Variants in PAK5 observed in about 807,000 individuals in gnomAD.
PAK5 encodes serine/threonine-protein kinase PAK 5.
PAK5 carries 16 observed loss-of-function variants against 65.9 expected under a neutral mutation model. That is an observed-to-expected ratio of 0.24 (90% CI 0.16 to 0.37). The LOEUF is 0.37. Ranked by LOEUF, PAK5 falls within the 10% of genes least tolerant of loss-of-function variation. The probability of loss-of-function intolerance (pLI) is 1.00; values close to 1 mark genes in which losing one functional copy is unlikely to be tolerated. For missense variants in PAK5, 785 were observed against 903.9 expected (o/e 0.87, Z 1.69); for synonymous variants, 371 against 354.9 (o/e 1.05, Z -0.51).
chr20:9,688,828 T>C (rs895944609), intron 2 of PAK5, among the ~76,000 whole-genome samples: 1 of 152,222 alleles, frequency 6.6e-6, no homozygotes, highest in Non-Finnish European at 1.5e-5. Context: ...CAAAAACGTG[T>C]GCTATATAAA....
chr20:9,562,734 G>A (rs2045610217), intron 6 of PAK5, among the ~76,000 whole-genome samples, 157 bp downstream of exon 6: 1 of 152,156 alleles, frequency 6.6e-6, no homozygotes, highest in Non-Finnish European at 1.5e-5. Context: ...ACATGCCTGA[G>A]AGCATAATGG....
chr20:9,559,035 C>T (rs2045555113), intron 6 of PAK5, among the ~76,000 whole-genome samples: 1 of 152,148 alleles, frequency 6.6e-6, no homozygotes, highest in Non-Finnish European at 1.5e-5. Flanking sequence ...CTGCCCTCAC[C>T]ACTTGAATGA....
intron 2 of PAK5, among the ~76,000 whole-genome samples, chr20:9,665,652 C>T (rs2047406429): frequency 7.1e-6 from 1 of 141,738 alleles, no homozygotes; most frequent in Non-Finnish European, 1.6e-5. Context: ...CTCAATATTT[C>T]TTTTCTTTTC....
At chr20:9,713,130 T>C (rs2048097955) in intron 1 of PAK5, among the ~76,000 whole-genome samples, 1 of 151,944 alleles carries the variant, frequency 6.6e-6, no homozygotes, top group Non-Finnish European at 1.5e-5. Flanking sequence ...TGACAAGAGG[T>C]TAATAACCAG....
At chr20:9,660,978 CCTA>C (rs2047338145) in intron 2 of PAK5, among the ~76,000 whole-genome samples, 1 of 152,124 alleles carries the variant, frequency 6.6e-6, no homozygotes, top group South Asian at 2.1e-4. Flanking sequence ...CCACCACAAA[CCTA>C]CTGACTCAGT....
At chr20:9,628,233 T>C (rs1286252604) in intron 3 of PAK5, among the ~76,000 whole-genome samples, 1 of 152,206 alleles carries the variant, frequency 6.6e-6, no homozygotes, top group Non-Finnish European at 1.5e-5. Flanking sequence ...TATCCACTTC[T>C]AACAGATGAG....
intron 1 of PAK5, among the ~76,000 whole-genome samples, chr20:9,750,364 T>G (rs1331721141): frequency 6.6e-6 from 1 of 152,160 alleles, no homozygotes; most frequent in African/African-American, 2.4e-5. Context: ...AAAATTATAG[T>G]AATGATTTTT....
At chr20:9,545,249 T>A (rs6140958) in intron 7 of PAK5, among the ~76,000 whole-genome samples, 8,248 of 152,200 alleles carry the variant, frequency 0.054, 344 homozygotes, top group East Asian at 0.23. Flanking sequence ...GAAATTTCTT[T>A]CCTAGAGCTC....
At chr20:9,557,116 C>T (rs529891351) in intron 7 of PAK5, among the ~76,000 whole-genome samples, 44 of 152,282 alleles carry the variant, frequency 2.9e-4, no homozygotes, top group African/African-American at 9.4e-4. Flanking sequence ...TAAAGTACTG[C>T]ACTAATCCTC....
intron 1 of PAK5, among the ~76,000 whole-genome samples, chr20:9,827,167 AAATGGATG>A (rs1478882924): frequency 6.6e-6 from 1 of 152,236 alleles, no homozygotes; most frequent in Non-Finnish European, 1.5e-5. Context: ...TTTTTAAAGA[AAATGGATG>A]AGATAACTTT....
chr20:9,696,599 TG>T (rs1206946720), intron 2 of PAK5, among the ~76,000 whole-genome samples: 1 of 152,086 alleles, frequency 6.6e-6, no homozygotes, highest in Non-Finnish European at 1.5e-5. Context: ...TTCTTTTTTC[TG>T]TTTCCTGATG....
At chr20:9,608,263 G>A (rs1336981185) in intron 3 of PAK5, among the ~76,000 whole-genome samples, 25 of 152,326 alleles carry the variant, frequency 1.6e-4, no homozygotes, top group Admixed American at 5.9e-4. Flanking sequence ...ACACACTATG[G>A]TATTTGGAAT....
rs1040976313 is a variant in PAK5, at chr20:9,838,870, T to A, written c.-270A>T. 7.3e-5 allele frequency: 11 copies of A among 151,424 alleles called. No homozygotes were observed. Among genetic ancestry groups the A allele is most frequent in the African/African-American group, 2.7e-4 (11 of 41,268 alleles). The allele number at this position is 151,424 out of a possible 1,614,324, so 9.4% of individuals were successfully genotyped here. On this transcript the variant is annotated 5_prime_UTR_variant, in exon 1 of 10. Transcript: ENST00000353224. This position sits in a 1 kb window ranked among gnomAD's most constrained non-coding sequence, Gnocchi z 4.5. ...CCCCGGGCGCACGCTGGGGAACTAC[T>A]ACTGGCTGGGTAGGGGCAAGGGGGG...
At chr20:9,773,883 T>A (rs142707694) in intron 1 of PAK5, among the ~76,000 whole-genome samples, 139 of 152,360 alleles carry the variant, frequency 9.1e-4, no homozygotes, top group African/African-American at 3.1e-3. Context: ...CGATGTGTGC[T>A]CAGGCAGTCT....
intron 1 of PAK5, among the ~76,000 whole-genome samples, chr20:9,828,942 T>C (rs1453513113): frequency 1.3e-5 from 2 of 152,192 alleles, no homozygotes; most frequent in Non-Finnish European, 2.9e-5. Flanking sequence ...AAAGTCTTCT[T>C]GGTTCAGTTG....
Position 9,786,709 on chromosome 20 carries a change from C to A in PAK5, c.-162+52053G>T, listed in dbSNP as rs535056889. ...TATAATTGATATGTGGATAAGAGGA[C>A]ATGGTAATCTGTTTTATGGATAAGT... On this transcript the variant is annotated intron_variant, in intron 1 of 9. Coordinates refer to ENST00000353224, the MANE Select transcript of PAK5 (RefSeq NM_177990.4). 9.0e-4 allele frequency among the ~76,000 whole-genome samples: 137 copies of A among 152,166 alleles called. 1 individual carries two copies. The Middle Eastern group carries it at 0.02, about 23-fold the overall frequency.
At chr20:9,675,289 G>C (rs1488063487) in intron 2 of PAK5, among the ~76,000 whole-genome samples, 3 of 152,126 alleles carry the variant, frequency 2.0e-5, no homozygotes, top group Non-Finnish European at 2.9e-5. Context: ...CATACTGATA[G>C]AAGCACAGAG....
intron 4 of PAK5, among the ~76,000 whole-genome samples, chr20:9,567,655 A>G (rs1466615766): frequency 6.6e-6 from 1 of 152,234 alleles, no homozygotes; most frequent in African/African-American, 2.4e-5. Flanking sequence ...AGCAACTATG[A>G]TGTGCTATGC....
rs1645692806 is a variant in PAK5, at chr20:9,834,522, CACCTAGATATGGTGAGAAAGCAAT to C, written c.-162+4216_-162+4239del. On this transcript the variant is annotated intron_variant, in intron 1 of 9. Transcript: ENST00000353224. ...ATGATTTTTAAAATAAAACAGTGCC[CACCTAGATATGGTGAGAAAGCAAT>C]TGCATGCTCTTCTATATATGTGCAG... Among the ~76,000 whole-genome samples, 4 of 152,234 alleles carry C rather than the reference CACCTAGATATGGTGAGAAAGCAAT, an allele frequency of 2.6e-5. No individual in the cohort carries two copies. The South Asian group carries it at 8.3e-4, about 32-fold the overall frequency.
Sources: gnomAD v4.1 joint callset for allele counts (sites outside exome capture counted in the v4.1 genomes callset) on GRCh38, gnomAD v4.1.1 for gene constraint, Gnocchi (gnomAD v3.1) non-coding constraint, MANE v1.5 for transcripts, NCBI Gene and HGNC (gene_info 2026-07-23, HGNC 2026-07-21) for gene names.